Variants in RPH3A observed in about 807,000 individuals in gnomAD.
The protein encoded by RPH3A is rabphilin-3A.
Under a neutral mutation model 102.2 loss-of-function variants are expected in RPH3A, and 48 were observed. That is an observed-to-expected ratio of 0.47 (90% CI 0.37 to 0.60). The LOEUF (loss-of-function observed/expected upper bound fraction) is 0.60. RPH3A is among the 20% of genes least tolerant of loss of function. The pLI is 0.00. For missense variants in RPH3A, 781 were observed against 910.1 expected (o/e 0.86, Z 1.83); for synonymous variants, 310 against 324.3 (o/e 0.96, Z 0.47).
At chr12:112,679,117 T>A (rs1435805308) in intron 1 of RPH3A, among the ~76,000 whole-genome samples, 1 of 152,024 alleles carries the variant, frequency 6.6e-6, no homozygotes, top group Non-Finnish European at 1.5e-5. Context: ...TGGGAAGCCA[T>A]GTGAAGGTGA....
intron 1 of RPH3A, among the ~76,000 whole-genome samples, chr12:112,658,108 G>A (rs533800511): frequency 1.4e-4 from 21 of 152,202 alleles, no homozygotes; most frequent in African/African-American, 5.1e-4. Flanking sequence ...GGGCATCTCT[G>A]GAAGACTTTG....
intron 1 of RPH3A, among the ~76,000 whole-genome samples, chr12:112,696,172 C>A (rs2040350452): frequency 6.6e-6 from 1 of 152,138 alleles, no homozygotes; most frequent in Admixed American, 6.6e-5. Flanking sequence ...TGTTTTGTTC[C>A]TTTTTATGGC....
At chr12:112,641,179 T>A (rs746641632) in intron 1 of RPH3A, among the ~76,000 whole-genome samples, 10 of 152,238 alleles carry the variant, frequency 6.6e-5, no homozygotes, top group Non-Finnish European at 1.2e-4. Context: ...AGGTCATCAT[T>A]TAACTTCTGC....
At chr12:112,858,595 G>T in intron 5 of RPH3A, among the ~76,000 whole-genome samples, 1 of 152,164 alleles carries the variant, frequency 6.6e-6, no homozygotes, top group East Asian at 1.9e-4. Flanking sequence ...TGATGATTAT[G>T]GCAATTTGCA....
chr12:112,727,438 T>C (rs1480375112), intron 1 of RPH3A, among the ~76,000 whole-genome samples: 4 of 31,172 alleles, frequency 1.3e-4, no homozygotes, highest in South Asian at 2.1e-3. Context: ...CACACACACA[T>C]ACATACACAC....
intron 5 of RPH3A, among the ~76,000 whole-genome samples, chr12:112,854,481 A>G (rs2042376375): frequency 6.6e-6 from 1 of 152,234 alleles, no homozygotes; most frequent in African/African-American, 2.4e-5. Flanking sequence ...AATCATTCCC[A>G]TTTCACAGAT....
chr12:112,628,359 G>A (rs896811303), intron 1 of RPH3A, among the ~76,000 whole-genome samples: 1 of 151,710 alleles, frequency 6.6e-6, no homozygotes, highest in Non-Finnish European at 1.5e-5. Context: ...GTAAGGAGAG[G>A]GGAGAGTAAT....
At chr12:112,641,282 C>T (rs1029250623) in intron 1 of RPH3A, among the ~76,000 whole-genome samples, 4 of 152,218 alleles carry the variant, frequency 2.6e-5, no homozygotes, top group East Asian at 1.9e-4. Flanking sequence ...TTGAGCCTAT[C>T]TCAGGATCCT....
chr12:112,649,079 C>T (rs529046470), intron 1 of RPH3A, among the ~76,000 whole-genome samples: 1 of 152,358 alleles, frequency 6.6e-6, no homozygotes, highest in Non-Finnish European at 1.5e-5. Flanking sequence ...TTGCAAAGTG[C>T]TGAGATTACA....
chr12:112,831,168 C>T (rs760324846), intron 3 of RPH3A, among the ~76,000 whole-genome samples: 22 of 146,416 alleles, frequency 1.5e-4, no homozygotes, highest in East Asian at 9.9e-4. Context: ...TATAGTTTGC[C>T]GATCCATTAC....
chr12:112,608,863 C>T (rs1250151215), intron 1 of RPH3A, among the ~76,000 whole-genome samples: 1 of 152,132 alleles, frequency 6.6e-6, no homozygotes, highest in Non-Finnish European at 1.5e-5. Flanking sequence ...TTACAACTGG[C>T]AAAGTAGATT....
chr12:112,809,372 T>C (rs1275585452), intron 2 of RPH3A, among the ~76,000 whole-genome samples: 2 of 152,088 alleles, frequency 1.3e-5, no homozygotes, highest in Non-Finnish European at 2.9e-5. Context: ...ACCCTCACTA[T>C]ACAAGCATTT....
At chr12:112,873,529 C>G (rs11834100) in intron 10 of RPH3A, among the ~76,000 whole-genome samples, 3,005 of 152,324 alleles carry the variant, frequency 0.02, 120 homozygotes, top group African/African-American at 0.067. Context: ...CTCTGAAAGG[C>G]TTTTGATCAC....
chr12:112,757,831 C>T (rs1481620462), intron 1 of RPH3A, among the ~76,000 whole-genome samples: 1 of 152,110 alleles, frequency 6.6e-6, no homozygotes, highest in Non-Finnish European at 1.5e-5. Flanking sequence ...AGAGGTGAAT[C>T]TGGGCTCTCA....
intron 2 of RPH3A, among the ~76,000 whole-genome samples, chr12:112,818,195 G>A (rs2041712375): frequency 1.3e-5 from 2 of 151,868 alleles, no homozygotes; most frequent in Admixed American, 6.6e-5. Flanking sequence ...AGCTACTCGG[G>A]GGGCTGAGGC....
At chr12:112,741,090 C>T (rs908252109) in intron 1 of RPH3A, among the ~76,000 whole-genome samples, 1 of 152,188 alleles carries the variant, frequency 6.6e-6, no homozygotes, top group African/African-American at 2.4e-5. Context: ...TTGCCCACCC[C>T]CTGCCTCAGA....
intron 10 of RPH3A, among the ~76,000 whole-genome samples, chr12:112,873,435 C>T (rs2136232546): frequency 6.6e-6 from 1 of 152,346 alleles, no homozygotes. Context: ...AAACAAATTC[C>T]CAGTAAAACT....
At chr12:112,820,440 G>A (rs949255714) in intron 2 of RPH3A, among the ~76,000 whole-genome samples, 2 of 152,184 alleles carry the variant, frequency 1.3e-5, no homozygotes, top group African/African-American at 2.4e-5. Context: ...GATCCTGTAG[G>A]TACAAATCCC....
At chr12:112,837,266 C>T (rs113467702) in intron 4 of RPH3A, among the ~76,000 whole-genome samples, 3,247 of 152,250 alleles carry the variant, frequency 0.021, 87 homozygotes, top group African/African-American at 0.064. Flanking sequence ...GGCACAATAA[C>T]CCTGCCCCTC....
Sources: gnomAD v4.1 joint callset for allele counts (sites outside exome capture counted in the v4.1 genomes callset) on GRCh38, gnomAD v4.1.1 for gene constraint, MANE v1.5 for transcripts, NCBI Gene and HGNC (gene_info 2026-07-23, HGNC 2026-07-21) for gene names.